Variants in TMEM132D observed in about 807,000 individuals in gnomAD.
The protein encoded by TMEM132D is transmembrane protein 132D.
A neutral mutation model predicts 62.3 loss-of-function variants in TMEM132D; 21 were observed. The ratio of observed to expected loss-of-function variants is 0.34; its 90% CI spans 0.24 to 0.49. The LOEUF (loss-of-function observed/expected upper bound fraction) is 0.49, where lower values mean the gene tolerates loss of function less well. Ranked by LOEUF, TMEM132D falls within the 20% of genes least tolerant of loss-of-function variation. The probability of loss-of-function intolerance (pLI) is 0.99; values close to 1 mark genes in which losing one functional copy is unlikely to be tolerated. For synonymous variants in TMEM132D, 621 were observed against 575.6 expected, an observed-to-expected ratio of 1.08 and a Z score of -1.13; for missense variants, 1,346 against 1,402.8, an observed-to-expected ratio of 0.96 and a Z score of 0.65.
chr12:129,177,330 C>T (rs1877934214), intron 5 of TMEM132D, among the ~76,000 whole-genome samples: 1 of 152,100 alleles, frequency 6.6e-6, no homozygotes, highest in African/African-American at 2.4e-5. Context: ...TCCAATGAAG[C>T]ATATATTCTA....
At chr12:129,721,301 C>T (rs949045288) in intron 1 of TMEM132D, among the ~76,000 whole-genome samples, 1 of 151,958 alleles carries the variant, frequency 6.6e-6, no homozygotes, top group African/African-American at 2.4e-5. Context: ...GCCTGTCCAC[C>T]AAGGAATCCA....
At chr12:129,421,126 G>A (rs891263863) in intron 3 of TMEM132D, among the ~76,000 whole-genome samples, 6 of 151,492 alleles carry the variant, frequency 4.0e-5, no homozygotes, top group South Asian at 2.1e-4. Context: ...CACACCCAGC[G>A]AATTTTCATA....
intron 1 of TMEM132D, among the ~76,000 whole-genome samples, chr12:129,808,467 A>C (rs1435051157): frequency 6.6e-6 from 1 of 152,234 alleles, no homozygotes; most frequent in African/African-American, 2.4e-5. Context: ...GAAAAACTTA[A>C]ATTCAAGATC....
chr12:129,747,544 TCAGA>T (rs949583339), intron 1 of TMEM132D, among the ~76,000 whole-genome samples: 39 of 139,664 alleles, frequency 2.8e-4, no homozygotes, highest in African/African-American at 1.1e-3. Context: ...ACACACACTC[TCAGA>T]CACCCTCTCA....
intron 4 of TMEM132D, among the ~76,000 whole-genome samples, chr12:129,316,784 A>T (rs1407340206): frequency 1.3e-5 from 2 of 149,706 alleles, no homozygotes. Context: ...TGTCTATCTC[A>T]TTTCTTAGGT....
intron 2 of TMEM132D, among the ~76,000 whole-genome samples, chr12:129,580,366 T>C (rs1167882141): frequency 6.6e-5 from 10 of 152,122 alleles, no homozygotes; most frequent in African/African-American, 1.2e-4. Flanking sequence ...CGAGAGAACT[T>C]GAAATAGTGC....
intron 1 of TMEM132D, among the ~76,000 whole-genome samples, chr12:129,824,984 T>A (rs1872623939): frequency 6.6e-6 from 1 of 151,686 alleles, no homozygotes; most frequent in Non-Finnish European, 1.5e-5. Flanking sequence ...ATTTGCTCAC[T>A]TCGTTCCTTT....
intron 1 of TMEM132D, among the ~76,000 whole-genome samples, chr12:129,757,815 A>G (rs1485169367): frequency 6.6e-6 from 1 of 152,174 alleles, no homozygotes; most frequent in African/African-American, 2.4e-5. Context: ...TTAGGAAAAA[A>G]TCCAAAATGT....
At chr12:129,599,259 G>A (rs184548801) in intron 2 of TMEM132D, among the ~76,000 whole-genome samples, 47 of 152,316 alleles carry the variant, frequency 3.1e-4, no homozygotes, top group Admixed American at 2.9e-3. Flanking sequence ...AACCCAGTTT[G>A]AGTAGGGTTT....
chr12:129,463,155 T>A (rs1267773194), intron 3 of TMEM132D, among the ~76,000 whole-genome samples: 1 of 152,230 alleles, frequency 6.6e-6, no homozygotes, highest in Non-Finnish European at 1.5e-5. Flanking sequence ...AATCAAACTC[T>A]GCTTTTCTCT....
At chr12:129,261,822 TTAC>T (rs1880556906) in intron 4 of TMEM132D, among the ~76,000 whole-genome samples, 1 of 152,184 alleles carries the variant, frequency 6.6e-6, no homozygotes, top group Admixed American at 6.5e-5. Flanking sequence ...TTAAGTTTAA[TTAC>T]CTCATTAAAG....
chr12:129,310,215 G>A (rs1394872563), intron 4 of TMEM132D, among the ~76,000 whole-genome samples: 3 of 152,202 alleles, frequency 2.0e-5, no homozygotes, highest in Non-Finnish European at 4.4e-5. Context: ...AGGGCAAGGA[G>A]GGTGGGTGGG....
chr12:129,138,793 A>C (rs148578009), intron 5 of TMEM132D, among the ~76,000 whole-genome samples: 8 of 152,348 alleles, frequency 5.3e-5, no homozygotes, highest in Non-Finnish European at 1.0e-4. Context: ...ACAAGCTGAC[A>C]AATAGGATTT....
At chr12:129,178,080 G>T (rs933016675) in intron 5 of TMEM132D, among the ~76,000 whole-genome samples, 1 of 152,162 alleles carries the variant, frequency 6.6e-6, no homozygotes, top group Admixed American at 6.5e-5. Context: ...CTTCATCCAT[G>T]TCCCTGCAAA....
At chr12:129,424,867 A>G (rs1403739457) in intron 3 of TMEM132D, among the ~76,000 whole-genome samples, 1 of 152,170 alleles carries the variant, frequency 6.6e-6, no homozygotes, top group Non-Finnish European at 1.5e-5. Flanking sequence ...GTCAACTTGT[A>G]AAACCATCAT....
At chr12:129,859,974 T>A (rs1203047941) in intron 1 of TMEM132D, among the ~76,000 whole-genome samples, 1 of 152,092 alleles carries the variant, frequency 6.6e-6, no homozygotes, top group Non-Finnish European at 1.5e-5. Context: ...CATGTATACA[T>A]CTCCCCTGTT....
intron 1 of TMEM132D, among the ~76,000 whole-genome samples, chr12:129,797,771 C>T (rs963476032): frequency 6.6e-6 from 1 of 152,198 alleles, no homozygotes; most frequent in East Asian, 1.9e-4. Context: ...GAATTCTGGG[C>T]TGCACACCTA....
intron 5 of TMEM132D, chr12:129,085,021 GGTGAGTGGA>G: frequency 2.0e-6 from 1 of 492,118 alleles, no homozygotes; most frequent in South Asian, 3.6e-5. Context: ...ACTGCCCTTA[GGTGAGTGGA>G]GCTGTGTCCC....
chr12:129,184,738 C>G (rs1337759996), intron 5 of TMEM132D, among the ~76,000 whole-genome samples: 1 of 152,196 alleles, frequency 6.6e-6, no homozygotes, highest in East Asian at 1.9e-4. Flanking sequence ...GACCATTAAT[C>G]TAGTTGAGGT....
Sources: gnomAD v4.1 joint callset for allele counts (sites outside exome capture counted in the v4.1 genomes callset) on GRCh38, gnomAD v4.1.1 for gene constraint, MANE v1.5 for transcripts, NCBI Gene and HGNC (gene_info 2026-07-23, HGNC 2026-07-21) for gene names.